Variants in PCDH7 observed in about 807,000 individuals in gnomAD.
PCDH7 encodes the protein protocadherin 7.
PCDH7 carries 17 observed loss-of-function variants against 58.9 expected under a neutral mutation model. That is an observed-to-expected ratio of 0.29 (90% confidence interval 0.20 to 0.43). The LOEUF is 0.43. Ranked by LOEUF, PCDH7 falls within the 20% of genes least tolerant of loss-of-function variation. The pLI is 1.00. For missense variants in PCDH7, 1,274 were observed against 1,441.0 expected, an observed-to-expected ratio of 0.88 and a Z score of 1.88; for synonymous variants, 664 against 616.4, an observed-to-expected ratio of 1.08 and a Z score of -1.14.
At chr4:30,886,720 A>C (rs1737846354) in intron 1 of PCDH7, among the ~76,000 whole-genome samples, 2 of 151,656 alleles carry the variant, frequency 1.3e-5, no homozygotes, top group Non-Finnish European at 2.9e-5. Flanking sequence ...CTTGGAACCA[A>C]CTCAAACGTC....
At chr4:31,108,369 T>TAAAAAAAAAAAAAAAAAAAAAAAAAA (rs71190491) in intron 3 of PCDH7, among the ~76,000 whole-genome samples, 2 of 60,070 alleles carry the variant, frequency 3.3e-5, no homozygotes, top group African/African-American at 9.5e-5. Flanking sequence ...CAGCATACAG[T>TAAAAAAAAAAAAAAAAAAAAAAAAAA]AAAAAAAAAA....
intron 1 of PCDH7, among the ~76,000 whole-genome samples, chr4:30,779,619 A>G (rs1393915249): frequency 1.3e-5 from 2 of 152,226 alleles, no homozygotes; most frequent in African/African-American, 2.4e-5. Context: ...GATTATTAAC[A>G]TATTTTTCAT....
chr4:31,123,633 G>A (rs1034559388), intron 3 of PCDH7, among the ~76,000 whole-genome samples: 2 of 152,164 alleles, frequency 1.3e-5, no homozygotes, highest in Admixed American at 1.3e-4. Context: ...TGCTGTTCAC[G>A]GATGGCTTAA....
At chr4:30,772,008 T>C (rs1721477178) in intron 1 of PCDH7, among the ~76,000 whole-genome samples, 1 of 151,986 alleles carries the variant, frequency 6.6e-6, no homozygotes, top group African/African-American at 2.4e-5. Flanking sequence ...GTAGCTACAA[T>C]CACAGATGCC....
At chr4:31,082,896 C>A (rs528033893) in intron 3 of PCDH7, among the ~76,000 whole-genome samples, 4 of 152,240 alleles carry the variant, frequency 2.6e-5, no homozygotes, top group African/African-American at 7.2e-5. Flanking sequence ...ATCACGAGGT[C>A]AGGAGATCGA....
intron 3 of PCDH7, chr4:30,987,463 T>C (rs1751079185): frequency 6.6e-6 from 1 of 152,096 alleles, no homozygotes; most frequent in Admixed American, 6.5e-5. Context: ...ATATTATTCA[T>C]AGTATCTCTG....
At chr4:31,007,822 C>T (rs1239300861) in intron 3 of PCDH7, among the ~76,000 whole-genome samples, 1 of 152,062 alleles carries the variant, frequency 6.6e-6, no homozygotes, top group Non-Finnish European at 1.5e-5. Flanking sequence ...TATATGACCT[C>T]AGGATTCAAA....
chr4:31,042,126 TGCAGA>T (rs755134474), intron 3 of PCDH7, among the ~76,000 whole-genome samples: 15 of 152,152 alleles, frequency 9.9e-5, no homozygotes, highest in Admixed American at 2.6e-4. Flanking sequence ...AATGTAGAAA[TGCAGA>T]GCACTCATTC....
At chr4:30,999,476 G>T (rs1052055732) in intron 3 of PCDH7, among the ~76,000 whole-genome samples, 1 of 151,996 alleles carries the variant, frequency 6.6e-6, no homozygotes, top group African/African-American at 2.4e-5. Context: ...AATATGCAGG[G>T]GAAATAAAGA....
chr4:30,962,184 A>G (rs566011507), intron 3 of PCDH7, among the ~76,000 whole-genome samples: 3 of 152,300 alleles, frequency 2.0e-5, no homozygotes, highest in African/African-American at 7.2e-5. Context: ...ATGAAAGACC[A>G]TTAAGGTCCT....
chr4:30,872,382 T>C (rs999236311), intron 1 of PCDH7, among the ~76,000 whole-genome samples: 2 of 152,096 alleles, frequency 1.3e-5, no homozygotes, highest in Non-Finnish European at 2.9e-5. Context: ...AAAGCAGTCA[T>C]AGGCAATAGT....
chr4:30,905,224 G>GT (rs1740762047), intron 1 of PCDH7, among the ~76,000 whole-genome samples: 1 of 152,050 alleles, frequency 6.6e-6, no homozygotes, highest in Non-Finnish European at 1.5e-5. Flanking sequence ...TTTAAAGTTG[G>GT]TTTTTTGTCC....
intron 3 of PCDH7, among the ~76,000 whole-genome samples, chr4:31,087,562 G>C (rs1029794420): frequency 1.3e-5 from 2 of 152,094 alleles, no homozygotes; most frequent in African/African-American, 4.8e-5. Context: ...GAAAGGATCT[G>C]TGTTAATGAG....
At chr4:30,829,619 T>C (rs1729526810) in intron 1 of PCDH7, among the ~76,000 whole-genome samples, 1 of 152,108 alleles carries the variant, frequency 6.6e-6, no homozygotes, top group African/African-American at 2.4e-5. Context: ...TGGTAGCTAA[T>C]TGATATCCAC....
chr4:30,968,342 ATATATATATACACACAC>A (rs1749197610), intron 3 of PCDH7, among the ~76,000 whole-genome samples: 1 of 71,750 alleles, frequency 1.4e-5, no homozygotes, highest in Admixed American at 1.6e-4. Flanking sequence ...TACACACACT[ATATATATATACACACAC>A]TATATATATA....
chr4:30,758,715 G>A (rs1310626097), intron 1 of PCDH7, among the ~76,000 whole-genome samples: 1 of 152,104 alleles, frequency 6.6e-6, no homozygotes, highest in Non-Finnish European at 1.5e-5. Context: ...TGCAGGTATT[G>A]CACTAAGTAT....
chr4:31,123,600 T>G (rs887523488), intron 3 of PCDH7, among the ~76,000 whole-genome samples: 2 of 152,186 alleles, frequency 1.3e-5, no homozygotes, highest in East Asian at 3.9e-4. Context: ...GGGTGTGTGT[T>G]ACAAACAGTG....
chr4:31,109,431 G>A (rs548201359), intron 3 of PCDH7, among the ~76,000 whole-genome samples: 5 of 152,174 alleles, frequency 3.3e-5, no homozygotes, highest in Non-Finnish European at 7.4e-5. Flanking sequence ...ATCAAGCCAT[G>A]AAATAGTCAA....
chr4:31,080,519 A>G (rs1759413396), intron 3 of PCDH7, among the ~76,000 whole-genome samples: 1 of 152,140 alleles, frequency 6.6e-6, no homozygotes, highest in East Asian at 1.9e-4. Flanking sequence ...TAATCATTTG[A>G]TGTATTAGGA....
Sources: allele counts gnomAD v4.1 joint callset (sites outside exome capture counted in the v4.1 genomes callset), GRCh38; gene constraint gnomAD v4.1.1; transcripts MANE v1.5; gene names NCBI Gene and HGNC (gene_info 2026-07-23, HGNC 2026-07-21).